ZNF268: variants seen among roughly 807,000 people sequenced by gnomAD.
ZNF268 encodes the protein zinc finger protein 3.
A neutral mutation model predicts 29.3 loss-of-function variants in ZNF268; 20 were observed. The observed-to-expected ratio is 0.68, with a 90% CI of 0.48 to 0.99. ZNF268 has a LOEUF of 0.99. Among genes scored for constraint, ZNF268 ranks in the 50% least tolerant of loss-of-function variants. The pLI is 0.00. For missense variants in ZNF268, 1,240 were observed against 1,121.6 expected, an observed-to-expected ratio of 1.11 and a Z score of -1.51; for synonymous variants, 429 against 376.9, an observed-to-expected ratio of 1.14 and a Z score of -1.60.
chr12:133,196,155 C>T (rs1245365813), intron 5 of ZNF268, among the ~76,000 whole-genome samples: 1 of 151,164 alleles, frequency 6.6e-6, no homozygotes, highest in East Asian at 2.0e-4. Flanking sequence ...AACCCCATCT[C>T]TACTAAAAAT....
chr12:133,189,387 G>A (rs1247767793), intron 3 of ZNF268, among the ~76,000 whole-genome samples: 2 of 151,760 alleles, frequency 1.3e-5, no homozygotes, highest in East Asian at 1.9e-4. Flanking sequence ...GCTAATTTTT[G>A]TATTTGTAGT....
At chr12:133,196,541 A>G (rs748024150) in intron 5 of ZNF268, among the ~76,000 whole-genome samples, 2 of 152,180 alleles carry the variant, frequency 1.3e-5, no homozygotes, top group Non-Finnish European at 2.9e-5. Context: ...TACCAGCACC[A>G]GAAGGAATGG....
rs1467555828 is a variant in ZNF268 at position 133,213,101 on chromosome 12, T to TA, written c.*8572dup. 1.3e-5 allele frequency: 2 copies of TA among 152,200 alleles called. No homozygotes were observed. The highest frequency in any genetic ancestry group is 2.9e-5 in the Non-Finnish European group (2 of 68,028). The allele number at this position is 152,200 out of a possible 1,614,324, so 9.4% of individuals were successfully genotyped here. A position where few individuals can be genotyped will look rare whatever the true frequency, so the allele number is the denominator to read the frequency against. ...AACTCCTGTCCTCAAGTGATCCACT[T>TA]ACCTTGGCCTCCCAAAGTGCTGGGA... On this transcript the variant is annotated 3_prime_UTR_variant, in exon 6 of 6. Coordinates refer to ENST00000536435, the MANE Select transcript of ZNF268 (RefSeq NM_003415.3).
rs1188854210 is a variant in ZNF268, at chr12:133,203,866, G to A, written c.2180G>A (p.Arg727Lys). 1 of 1,568,394 alleles carries A rather than the reference G, an allele frequency of 6.4e-7. No individual in the cohort carries two copies. The highest frequency in any genetic ancestry group is 1.1e-5 in the South Asian group (1 of 86,990). ...THTGEKPHEC[R>K]ECGKSFSFNS... ...ACAGGAGAGAAACCACATGAGTGCAGGGAATGCGGGAAATCCTTTAGTTTC... is the reference window on the plus strand; with the variant it reads ...ACAGGAGAGAAACCACATGAGTGCAAGGAATGCGGGAAATCCTTTAGTTTC... Residue 727 changes from arginine (R) to lysine (K), a missense_variant, in exon 6 of 6, where the codon AGG becomes AAG. This residue lies in a region of ZNF268 where 1,177 missense variants were observed against 1,039.6 expected (regional missense o/e 1.13). Transcript: ENST00000536435.
chr12:133,192,119 T>G (rs1039917483), intron 5 of ZNF268, 116 bp downstream of exon 5: 1 of 878,932 alleles, frequency 1.1e-6, no homozygotes, highest in Non-Finnish European at 1.7e-6. Flanking sequence ...TTTTTTTTTT[T>G]TTTTTTGAGA....
At chr12:133,185,971 G>A (rs112228795) in intron 2 of ZNF268, among the ~76,000 whole-genome samples, 8 of 152,212 alleles carry the variant, frequency 5.3e-5, no homozygotes, top group Admixed American at 1.3e-4. Context: ...TTCTTTTGCC[G>A]TTTCAACCAA....
At chr12:133,185,938 C>A (rs1956302924) in intron 2 of ZNF268, among the ~76,000 whole-genome samples, 1 of 152,050 alleles carries the variant, frequency 6.6e-6, no homozygotes, top group Admixed American at 6.6e-5. Context: ...TTAAGTATTC[C>A]TGGTTTTATG....
Position 133,204,080 on chromosome 12 carries a change from C to A in ZNF268, c.2394C>A (p.His798Gln), listed in dbSNP as rs1566386738. 6.4e-7 allele frequency: 1 copy of A among 1,551,046 alleles called. No individual in the cohort carries two copies. The highest frequency in any genetic ancestry group is 1.9e-5 in the Admixed American group (1 of 51,482). The change falls in exon 6 of 6, where the codon CAC (histidine) becomes CAA (glutamine). Residue 798 changes from histidine (H) to glutamine (Q), a missense_variant. Physicochemically the swap from His to Gln is conservative, Grantham distance 24. Around this residue, in one of 3 missense-constraint regions of ZNF268, gnomAD observed 1,177 missense variants for 1,039.6 expected, o/e 1.13. Transcript: ENST00000536435. Reference protein sequence around the residue: ...AFSSKSYLIIHMRTHSGEKPY... With the variant: ...AFSSKSYLIIQMRTHSGEKPY... The stretch of plus-strand genomic sequence containing the variant: ...GCAGCAAGTCATACCTAATTATACA[C>A]ATGAGAACTCATTCAGGTGAAAAAC...
chr12:133,202,445 A>G lies in ZNF268; in HGVS notation c.759A>G (p.Glu253=). ...VIGIKYCESI[E]SGKTVNKKSQ... is the part of the protein sequence containing the mutation. ...GAATAAAATACTGTGAAAGTATTGAATCTGGAAAAACCGTCAATAAGAAAT... is the reference window on the plus strand; with the variant it reads ...GAATAAAATACTGTGAAAGTATTGAGTCTGGAAAAACCGTCAATAAGAAAT... The change falls in exon 6 of 6, where the codon GAA becomes GAG. Residue 253 remains glutamate, a synonymous_variant. Transcript: ENST00000536435. 1 of 1,611,380 alleles carries G rather than the reference A, an allele frequency of 6.2e-7. No individual in the cohort carries two copies. The highest frequency in any genetic ancestry group is 1.3e-5 in the African/African-American group (1 of 75,018).
In ZNF268 at chr12:133,206,491, A is replaced by G. The variant is rs149074513; in HGVS notation, c.*1961A>G. ...TGGTGAAAAACTCTGCCAGTTGCTTACTCACAAAGTTAGTTTTCTTCACTA... is the reference window on the plus strand; with the variant it reads ...TGGTGAAAAACTCTGCCAGTTGCTTGCTCACAAAGTTAGTTTTCTTCACTA... On this transcript the variant is annotated 3_prime_UTR_variant, in exon 6 of 6. Transcript: ENST00000536435. The G allele has an allele frequency of 2.2e-3, 329 of 152,272 alleles. 2 individuals are homozygous for G. Among genetic ancestry groups the G allele is most frequent in the African/African-American group, 7.5e-3 (312 of 41,556 alleles). The allele number at this position is 152,272 out of a possible 1,614,324, so 9.4% of individuals were successfully genotyped here. A position where few individuals can be genotyped will look rare whatever the true frequency, so the allele number is the denominator to read the frequency against.
chr12:133,193,972 A>G (rs78434708), intron 5 of ZNF268, among the ~76,000 whole-genome samples: 2,357 of 152,168 alleles, frequency 0.015, 54 homozygotes, highest in African/African-American at 0.054. Flanking sequence ...GTCAGCTTGA[A>G]TTTCCTTTCT....
At position 133,207,302 on chromosome 12, in the gene ZNF268, TAGGTTTAAAAATCCATATTTGTGAAC is replaced by T. The variant is rs1418954648; in HGVS notation, c.*2774_*2799del. ...GACTTGCAAACCATATTTGTGAACA[TAGGTTTAAAAATCCATATTTGTGAAC>T]ATAGGTTTAAAAATCCATATTTGTG... is the stretch of plus-strand genomic sequence containing the variant. On this transcript the variant is annotated 3_prime_UTR_variant, in exon 6 of 6. Transcript: ENST00000536435. 1 of 21,060 alleles carries T rather than the reference TAGGTTTAAAAATCCATATTTGTGAAC, an allele frequency of 4.7e-5. No homozygotes were observed. Among genetic ancestry groups the T allele is most frequent in the East Asian group, 9.4e-3 (1 of 106 alleles). The allele number at this position is 21,060 out of a possible 1,614,324, so 1.3% of individuals were successfully genotyped here. A position where few individuals can be genotyped will look rare whatever the true frequency, so the allele number is the denominator to read the frequency against.
chr12:133,199,640 A>T lies in ZNF268; in HGVS notation c.458-2504A>T, dbSNP rs558484875. On this transcript the variant is annotated intron_variant, in intron 5 of 5. Coordinates refer to ENST00000536435, the MANE Select transcript of ZNF268 (RefSeq NM_003415.3). ...CAGTTCCTCCTTGTACCTCTGGTAG[A>T]ATTTGGCTGTGAATCCATCTGGTCC... 1.6e-4 allele frequency among the ~76,000 whole-genome samples: 24 copies of T among 152,188 alleles called. 1 individual carries two copies. Among genetic ancestry groups the T allele is most frequent in the Non-Finnish European group, 2.5e-4 (17 of 67,998 alleles).
At position 133,203,367 on chromosome 12, in the gene ZNF268, T is replaced by C. The variant is rs765014090; in HGVS notation, c.1681T>C (p.Cys561Arg). Residue 561 changes from cysteine to arginine, a missense_variant, in exon 6 of 6, where the codon TGT becomes CGT. Coordinates refer to ENST00000536435, the MANE Select transcript of ZNF268 (RefSeq NM_003415.3). ...AGAGAACCCCTATGAATGCCATGAA[T>C]GTGGGAAAGCCTTCAGTCGGAAATA... ...TGENPYECHE[C>R]GKAFSRKYQL... The C allele has an allele frequency of 1.3e-5, 20 of 1,548,914 alleles. No individual in the cohort carries two copies. Among genetic ancestry groups the C allele is most frequent in the Non-Finnish European group, 1.7e-5 (19 of 1,151,470 alleles).
At position 133,204,116 on chromosome 12, in the gene ZNF268, TA is replaced by T. The variant is rs1218129248; in HGVS notation, c.2432del (p.Asn811MetfsTer133). ...THSGEKPYECNECGKAFIWKS... is the reference protein window; with the variant it reads ...THSGEKPYECXECGKAFIWKS... The stretch of plus-strand genomic sequence containing the variant: ...ATTCAGGTGAAAAACCATATGAATG[TA>T]ATGAATGTGGGAAAGCCTTCATTTG... On this transcript the variant is annotated frameshift_variant, in exon 6 of 6. Coordinates refer to ENST00000536435, the MANE Select transcript of ZNF268 (RefSeq NM_003415.3). LOFTEE classifies it low-confidence loss of function (END_TRUNC). 6 of 1,544,950 alleles carry T rather than the reference TA, an allele frequency of 3.9e-6. No individual in the cohort carries two copies. The highest frequency in any genetic ancestry group is 1.4e-5 in the African/African-American group (1 of 72,902).
chr12:133,200,491 G>T (rs1420136794), intron 5 of ZNF268, among the ~76,000 whole-genome samples: 5 of 152,144 alleles, frequency 3.3e-5, no homozygotes, highest in African/African-American at 1.2e-4. Context: ...GTGCTGAAAA[G>T]AATGTATATT....
At position 133,212,518 on chromosome 12, in the gene ZNF268, T is replaced by G. The variant is rs374941787; in HGVS notation, c.*7988T>G. 1.4e-5 allele frequency: 2 copies of G among 138,142 alleles called. No individual in the cohort carries two copies. The highest frequency in any genetic ancestry group is 1.6e-5 in the Non-Finnish European group (1 of 64,402). 8.6% of individuals were successfully genotyped at this position (138,142 alleles called of 1,614,324 possible). A position where few individuals can be genotyped will look rare whatever the true frequency, so the allele number is the denominator to read the frequency against. ...ATATATGTATATATACACACACACATACACACATATATACACATATATATA... is the reference window on the plus strand; with the variant it reads ...ATATATGTATATATACACACACACAGACACACATATATACACATATATATA... On this transcript the variant is annotated 3_prime_UTR_variant, in exon 6 of 6. Coordinates refer to ENST00000536435, the MANE Select transcript of ZNF268 (RefSeq NM_003415.3).
At chr12:133,192,986 T>A (rs1448002929) in intron 5 of ZNF268, among the ~76,000 whole-genome samples, 2 of 152,186 alleles carry the variant, frequency 1.3e-5, no homozygotes, top group Non-Finnish European at 1.5e-5. Flanking sequence ...ATTATCACTC[T>A]ATACCTTCTG....
In ZNF268 at chr12:133,204,496, T is replaced by A; in HGVS notation, c.2810T>A (p.Met937Lys). The A allele has an allele frequency of 6.5e-7, 1 of 1,533,530 alleles. No individual in the cohort carries two copies. The highest frequency in any genetic ancestry group is 8.7e-7 in the Non-Finnish European group (1 of 1,145,972). 95.0% of individuals were successfully genotyped at this position (1,533,530 alleles called of 1,614,324 possible). A position where few individuals can be genotyped will look rare whatever the true frequency, so the allele number is the denominator to read the frequency against. Residue 937 changes from methionine to lysine, a missense_variant, in exon 6 of 6, where the codon ATG becomes AAG. Met to Lys is a moderately conservative substitution (Grantham distance 95, BLOSUM62 -1). This residue lies in a region of ZNF268 where 1,177 missense variants were observed against 1,039.6 expected (regional missense o/e 1.13). Transcript: ENST00000536435. Reference sequence around the variant, plus strand: ...TTTTGTTGGAAGTCACAGCTCATTATGCATCAGAGAACTCATGTAGATGAC... The same window carrying A: ...TTTTGTTGGAAGTCACAGCTCATTAAGCATCAGAGAACTCATGTAGATGAC... ...KAFCWKSQLI[M>K]HQRTHVDDKH
Sources: gnomAD v4.1 joint callset for allele counts (sites outside exome capture counted in the v4.1 genomes callset) on GRCh38, gnomAD v4.1.1 for gene constraint, gnomAD v4.1.1 regional missense constraint, MANE v1.5 for transcripts, NCBI Gene and HGNC (gene_info 2026-07-23, HGNC 2026-07-21) for gene names.